HHLA2: variants seen among roughly 807,000 people sequenced by gnomAD.
HHLA2 encodes the protein HERV-H LTR-associating protein 2.
HHLA2 carries 48 observed loss-of-function variants against 45.9 expected under a neutral mutation model. That is an observed-to-expected ratio of 1.05 (90% CI 0.83 to 1.33). The LOEUF is 1.33. Ranked by LOEUF, HHLA2 falls within the 40% of genes most tolerant of loss-of-function variation. The pLI is 0.00. For synonymous variants in HHLA2, 161 were observed against 173.9 expected (o/e 0.93, Z 0.59); for missense variants, 462 against 494.3 (o/e 0.93, Z 0.62).
exon 5 of HHLA2, chr3:108,353,756 A>G: frequency 3.7e-6 from 6 of 1,611,736 alleles, no homozygotes; most frequent in Non-Finnish European, 5.1e-6. Flanking sequence ...AGTGATTACA[A>G]ACAAAGTGGT....
chr3:108,328,411 C>A, intron 3 of HHLA2: 1 of 1,045,688 alleles, frequency 9.6e-7, no homozygotes, highest in Non-Finnish European at 1.4e-6. Flanking sequence ...TTGAAAATTA[C>A]TGCATGACCA....
Position 108,369,746 on chromosome 3 carries a change from G to T in HHLA2, c.1109-6004G>T, listed in dbSNP as rs1487600468. ...CAGCAGTCTGAGATCAAACTGCAAG[G>T]CAGCAGCGAGCCTGGGGGAGGGGCA... On this transcript the variant is annotated intron_variant, in intron 8 of 10. Coordinates refer to ENST00000619531, the Ensembl canonical transcript of HHLA2. 3.3e-5 allele frequency among the ~76,000 whole-genome samples: 5 copies of T among 152,298 alleles called. No individual in the cohort carries two copies. The East Asian group carries it at 7.7e-4, about 24-fold the overall frequency.
At chr3:108,339,871 G>T (rs551168258) in intron 3 of HHLA2, among the ~76,000 whole-genome samples, 1 of 152,260 alleles carries the variant, frequency 6.6e-6, no homozygotes, top group Admixed American at 6.5e-5. Context: ...GATGTCTTTG[G>T]TTTGTCAGGT....
At chr3:108,349,556 A>G (rs1189011638) in intron 3 of HHLA2, among the ~76,000 whole-genome samples, 1 of 152,240 alleles carries the variant, frequency 6.6e-6, no homozygotes, top group Non-Finnish European at 1.5e-5. Flanking sequence ...GCCAAATTCT[A>G]CCAGAGGTAC....
chr3:108,306,910 C>T (rs1453181936), intron 1 of HHLA2, among the ~76,000 whole-genome samples: 8 of 152,056 alleles, frequency 5.3e-5, no homozygotes, highest in Non-Finnish European at 1.2e-4. Context: ...GGCTGGAGTG[C>T]AATGGCACGA....
At chr3:108,324,109 ATC>A (rs1272054327) in intron 2 of HHLA2, among the ~76,000 whole-genome samples, 2 of 152,180 alleles carry the variant, frequency 1.3e-5, no homozygotes, top group African/African-American at 2.4e-5. Flanking sequence ...AGGTTGGTGA[ATC>A]TATTTATTAT....
exon 2 of HHLA2, chr3:108,310,698 T>G (rs1377873847): frequency 6.6e-6 from 1 of 152,596 alleles, no homozygotes; most frequent in African/African-American, 2.4e-5. Context: ...TCAAGGCTGA[T>G]TTGAAAGCTT....
intron 2 of HHLA2, among the ~76,000 whole-genome samples, chr3:108,316,032 C>A (rs1476464759): frequency 6.6e-6 from 1 of 151,196 alleles, no homozygotes; most frequent in Non-Finnish European, 1.5e-5. Context: ...TTTATTTACA[C>A]CCTACATGTT....
intron 7 of HHLA2, among the ~76,000 whole-genome samples, chr3:108,361,685 G>T (rs1427194714): frequency 6.7e-6 from 1 of 149,644 alleles, no homozygotes; most frequent in Admixed American, 6.6e-5. Context: ...AAGGTTTCAG[G>T]CATCCACTTG....
At chr3:108,363,410 G>A (rs901239370) in intron 8 of HHLA2, among the ~76,000 whole-genome samples, 1 of 152,092 alleles carries the variant, frequency 6.6e-6, no homozygotes, top group African/African-American at 2.4e-5. Flanking sequence ...TGGGTGTCCT[G>A]GGAACTTGAG....
At chr3:108,358,032 A>G in exon 7 of HHLA2, 1 of 1,613,804 alleles carries the variant, frequency 6.2e-7, no homozygotes, top group Non-Finnish European at 8.5e-7. Context: ...CTCATGGAAC[A>G]AAGAGCTGAT....
intron 8 of HHLA2, among the ~76,000 whole-genome samples, chr3:108,371,933 C>A (rs1028793786): frequency 2.0e-5 from 3 of 152,148 alleles, no homozygotes; most frequent in African/African-American, 7.2e-5. Context: ...AGAAAGTTAA[C>A]AAGGATATCC....
At position 108,305,367 on chromosome 3, in the gene HHLA2, G is replaced by A. The variant is rs528703856; in HGVS notation, c.-191-5288G>A. On this transcript the variant is annotated intron_variant, in intron 1 of 10. Transcript: ENST00000619531. ...GAAAGACCCAGCAATTCTCTTGGTC[G>A]TAGCATTCATCAGTGTGAAGGACTT... is the stretch of plus-strand genomic sequence containing the variant. Among the ~76,000 whole-genome samples the A allele has an allele frequency of 1.1e-4, 17 of 152,270 alleles. No homozygotes were observed. The South Asian group carries it at 1.5e-3, about 13-fold the overall frequency.
chr3:108,354,472 T>G (rs1254016972), intron 5 of HHLA2, among the ~76,000 whole-genome samples: 1 of 152,042 alleles, frequency 6.6e-6, no homozygotes, highest in East Asian at 1.9e-4. Context: ...TTCAAAGAGC[T>G]TCATGGCTCC....
At chr3:108,374,148 A>C (rs1172586224) in intron 8 of HHLA2, among the ~76,000 whole-genome samples, 8 of 150,878 alleles carry the variant, frequency 5.3e-5, no homozygotes, top group Non-Finnish European at 8.9e-5. Context: ...CCAATGGAAC[A>C]GAACAGAGCC....
At chr3:108,347,619 G>A (rs1431714248) in intron 3 of HHLA2, among the ~76,000 whole-genome samples, 1 of 152,150 alleles carries the variant, frequency 6.6e-6, no homozygotes, top group Non-Finnish European at 1.5e-5. Context: ...CCTGACTGCT[G>A]TATTGACAGT....
chr3:108,368,294 C>T (rs1355798043), intron 8 of HHLA2, among the ~76,000 whole-genome samples: 1 of 151,846 alleles, frequency 6.6e-6, no homozygotes, highest in Non-Finnish European at 1.5e-5. Flanking sequence ...GAGGAAACTG[C>T]CTCAACTAAT....
intron 7 of HHLA2, among the ~76,000 whole-genome samples, chr3:108,358,513 G>C (rs568891669): frequency 6.6e-6 from 1 of 152,266 alleles, no homozygotes; most frequent in South Asian, 2.1e-4. Flanking sequence ...CAAGGCTAGA[G>C]ACACATTAGG....
At chr3:108,365,468 C>T (rs1056357088) in intron 8 of HHLA2, among the ~76,000 whole-genome samples, 9 of 152,136 alleles carry the variant, frequency 5.9e-5, no homozygotes, top group East Asian at 5.8e-4. Flanking sequence ...AGGATTGTCT[C>T]GGCTATATGG....
Sources: gnomAD v4.1 joint callset for allele counts (sites outside exome capture counted in the v4.1 genomes callset) on GRCh38, gnomAD v4.1.1 for gene constraint, MANE v1.5 for transcripts, NCBI Gene and HGNC (gene_info 2026-07-23, HGNC 2026-07-21) for gene names.